Variants in ARHGEF1 observed in about 807,000 individuals in gnomAD.
ARHGEF1 encodes the protein 115 kDa guanine nucleotide exchange factor.
A neutral mutation model predicts 119.7 loss-of-function variants in ARHGEF1; 40 were observed. The ratio of observed to expected loss-of-function variants is 0.33; its 90% CI spans 0.26 to 0.44. The LOEUF (loss-of-function observed/expected upper bound fraction) is 0.44. ARHGEF1 is among the 20% of genes least tolerant of loss of function. ARHGEF1 has a pLI of 1.00. For synonymous variants in ARHGEF1, 494 were observed against 521.0 expected, an observed-to-expected ratio of 0.95 and a Z score of 0.71; for missense variants, 976 against 1,268.3, an observed-to-expected ratio of 0.77 and a Z score of 3.50.
chr19:41,909,543 G>A (rs782081039), downstream of ARHGEF1: 86 of 1,094,032 alleles, frequency 7.9e-5, no homozygotes, highest in East Asian at 1.3e-4. This position sits in a 1 kb window ranked among gnomAD's most constrained non-coding sequence, Gnocchi z 5.2. Context: ...TTCTTAATGC[G>A]TGTGCTGTCC....
downstream of ARHGEF1, among the ~76,000 whole-genome samples, chr19:41,910,603 C>T (rs2074746363): frequency 3.9e-5 from 6 of 152,192 alleles, 1 homozygote; most frequent in Admixed American, 3.9e-4. This position sits in a 1 kb window ranked among gnomAD's most constrained non-coding sequence, Gnocchi z 4.4. Flanking sequence ...CTGGCATATC[C>T]AGGCTGCAGC....
At position 41,907,186 on chromosome 19, in the gene ARHGEF1, C is replaced by A. The variant is rs575042850; in HGVS notation, c.*99C>A. On this transcript the variant is annotated 3_prime_UTR_variant, in exon 29 of 29. Transcript: ENST00000354532. ...ACACAGCTGCCGCAGCATCTCACAC[C>A]CCGAGGGCCTGAGGAGAGGGAGCTG... is the stretch of plus-strand genomic sequence containing the variant. 2 of 1,526,378 alleles carry A rather than the reference C, an allele frequency of 1.3e-6. No individual in the cohort carries two copies. Among genetic ancestry groups the A allele is most frequent in the South Asian group, 1.2e-5 (1 of 82,474 alleles). 94.6% of individuals were successfully genotyped at this position (1,526,378 alleles called of 1,614,324 possible).
intron 4 of ARHGEF1, among the ~76,000 whole-genome samples, chr19:41,891,672 C>T (rs2074378747): frequency 2.0e-5 from 3 of 152,282 alleles, no homozygotes; most frequent in East Asian, 1.9e-4. Context: ...TGATTGAACA[C>T]GTTAATGCAT....
Position 41,902,463 on chromosome 19 carries a change from C to T in ARHGEF1, c.1498-70C>T, listed in dbSNP as rs955990476. The T allele has an allele frequency of 6.2e-7, 1 of 1,611,500 alleles. No homozygotes were observed. The highest frequency in any genetic ancestry group is 8.5e-7 in the Non-Finnish European group (1 of 1,179,056). On this transcript the variant is annotated intron_variant, in intron 16 of 28. Transcript: ENST00000354532. This position sits in a 1 kb window ranked among gnomAD's most constrained non-coding sequence, Gnocchi z 6.5. ...CAGTCCCAGGGTCTGGGCTTCCAGCCTGTCGTACTTTAGTCCCTGTTCTTG... is the reference window on the plus strand; with the variant it reads ...CAGTCCCAGGGTCTGGGCTTCCAGCTTGTCGTACTTTAGTCCCTGTTCTTG...
Position 41,907,130 on chromosome 19 carries a change from G to C in ARHGEF1, c.*43G>C. The C allele has an allele frequency of 2.0e-6, 3 of 1,530,430 alleles. No individual in the cohort carries two copies. Among genetic ancestry groups the C allele is most frequent in the Non-Finnish European group, 2.6e-6 (3 of 1,144,480 alleles). 94.8% of individuals were successfully genotyped at this position (1,530,430 alleles called of 1,614,324 possible). A position where few individuals can be genotyped will look rare whatever the true frequency, so the allele number is the denominator to read the frequency against. On this transcript the variant is annotated 3_prime_UTR_variant, in exon 29 of 29. Coordinates refer to ENST00000354532, the MANE Select transcript of ARHGEF1 (RefSeq NM_004706.4). ...GCCTTTTGCAAGAAGGAGAGGAATG[G>C]GGGAGAGGACGTGAGGGACCACCCC... is the stretch of plus-strand genomic sequence containing the variant.
upstream of ARHGEF1, among the ~76,000 whole-genome samples, chr19:41,921,757 G>C (rs544936613): frequency 3.5e-4 from 53 of 151,704 alleles, no homozygotes; most frequent in African/African-American, 1.2e-3. This position sits in a 1 kb window ranked among gnomAD's most constrained non-coding sequence, Gnocchi z 4.4. Context: ...GTGTAGGCCG[G>C]GTGGCGGGCA....
intron 1 of ARHGEF1, among the ~76,000 whole-genome samples, chr19:41,886,498 C>T (rs2074295931): frequency 6.6e-6 from 1 of 152,090 alleles, no homozygotes. Context: ...CCAGGCTGGT[C>T]TCAAACTCCT....
chr19:41,907,186 C>T lies in ARHGEF1; in HGVS notation c.*99C>T, dbSNP rs575042850. On this transcript the variant is annotated 3_prime_UTR_variant, in exon 29 of 29. Coordinates refer to ENST00000354532, the MANE Select transcript of ARHGEF1 (RefSeq NM_004706.4). ...ACACAGCTGCCGCAGCATCTCACAC[C>T]CCGAGGGCCTGAGGAGAGGGAGCTG... The T allele has an allele frequency of 2.0e-6, 3 of 1,526,380 alleles. No individual in the cohort carries two copies. The South Asian group carries it at 3.6e-5, about 19-fold the overall frequency. 94.6% of individuals were successfully genotyped at this position (1,526,380 alleles called of 1,614,324 possible).
Position 41,917,554 on chromosome 19 carries a change from T to A in ARHGEF1, c.1866-5538T>A, listed in dbSNP as rs782135864. On this transcript the variant is annotated intron_variant, in intron 18 of 20. Coordinates refer to the ARHGEF1 transcript ENST00000599589. The surrounding 1 kb of genome is among the most constrained non-coding windows in gnomAD (Gnocchi z 4.8). ...GATTTTTTTTTTAAATTTCATATCT[T>A]CTCCGGGGCTCTGTCTAAAGAGGAG... Among the ~76,000 whole-genome samples the A allele has an allele frequency of 4.0e-5, 6 of 151,382 alleles. No individual in the cohort carries two copies. Among genetic ancestry groups the A allele is most frequent in the Middle Eastern group, 6.8e-3 (2 of 294 alleles).
intron 18 of ARHGEF1, among the ~76,000 whole-genome samples, chr19:41,915,215 C>CCGGA (rs1475917053): frequency 3.4e-5 from 5 of 148,126 alleles, no homozygotes; most frequent in African/African-American, 1.3e-4. Context: ...GCCGCCTCCT[C>CCGGA]CGGACACGTT....
intron 4 of ARHGEF1, among the ~76,000 whole-genome samples, chr19:41,891,063 G>C (rs2074369144): frequency 6.6e-6 from 1 of 152,128 alleles, no homozygotes. Context: ...CTTGACGAAT[G>C]ACAGAGTGAG....
rs1555844865 is a variant in ARHGEF1 at position 41,884,414 on chromosome 19, G to C, written c.-20+1125G>C. The C allele has an allele frequency of 3.8e-6, 6 of 1,598,792 alleles. No homozygotes were observed. The East Asian group carries it at 1.1e-4, about 30-fold the overall frequency. ...GGGCGGCTAGAGCGACGCGGCGGCA[G>C]GGGTGGGGAGAGTGCGGAGCCCGAG... On this transcript the variant is annotated intron_variant, in intron 1 of 28. Coordinates refer to ENST00000354532, the MANE Select transcript of ARHGEF1 (RefSeq NM_004706.4).
Position 41,903,218 on chromosome 19 carries a change from G to T in ARHGEF1, c.1739-89G>T. The T allele has an allele frequency of 1.6e-6, 2 of 1,222,782 alleles. No individual in the cohort carries two copies. Among genetic ancestry groups the T allele is most frequent in the Non-Finnish European group, 2.4e-6 (2 of 842,342 alleles). The allele number at this position is 1,222,782 out of a possible 1,614,324, so 75.7% of individuals were successfully genotyped here. On this transcript the variant is annotated intron_variant, in intron 18 of 28. Transcript: ENST00000354532. This position sits in a 1 kb window ranked among gnomAD's most constrained non-coding sequence, Gnocchi z 4.2. The stretch of plus-strand genomic sequence containing the variant: ...ATTACAGGCGTGAGCCACCATGCCC[G>T]GCCAGCTGTCCTTTGTCTAACCTTG...
At chr19:41,894,716 G>T in intron 11 of ARHGEF1, 55 bp downstream of exon 11, 1 of 1,600,428 alleles carries the variant, frequency 6.2e-7, no homozygotes, top group Non-Finnish European at 8.5e-7. Flanking sequence ...GGAGAGGCTA[G>T]GACCTGGACG....
At chr19:41,898,095 G>T (rs957668544) in intron 13 of ARHGEF1, 51 of 1,380,076 alleles carry the variant, frequency 3.7e-5, no homozygotes, top group Non-Finnish European at 4.6e-5. Flanking sequence ...GCAGTGCTTG[G>T]CCCTGCCCGA....
In ARHGEF1 at chr19:41,888,011, C is replaced by T. The variant is rs2074320783; in HGVS notation, c.-19-53C>T. The T allele has an allele frequency of 1.3e-6, 2 of 1,580,450 alleles. No homozygotes were observed. The highest frequency in any genetic ancestry group is 1.1e-5 in the South Asian group (1 of 87,202). On this transcript the variant is annotated intron_variant, in intron 1 of 28. Transcript: ENST00000354532. The surrounding 1 kb of genome is among the most constrained non-coding windows in gnomAD (Gnocchi z 5.1). Reference sequence around the variant, plus strand: ...TGGGCCAGGAATCTGTGAGTAACCACCCTGGGCCGCCTCCTCCCACCCTCC... The same window carrying T: ...TGGGCCAGGAATCTGTGAGTAACCATCCTGGGCCGCCTCCTCCCACCCTCC...
At chr19:41,908,882 C>T (rs1555850983), downstream of ARHGEF1, among the ~76,000 whole-genome samples, 1 of 151,670 alleles carries the variant, frequency 6.6e-6, no homozygotes, top group African/African-American at 2.4e-5. This position sits in a 1 kb window ranked among gnomAD's most constrained non-coding sequence, Gnocchi z 6.7. Flanking sequence ...AAGCCCCTGT[C>T]TCCCTCATTT....
chr19:41,900,992 T>C (rs2074594942), intron 14 of ARHGEF1: 1 of 151,830 alleles, frequency 6.6e-6, no homozygotes, highest in Non-Finnish European at 1.5e-5. Context: ...GGTTTCACCA[T>C]GTTGGCCAGG....
At position 41,888,997 on chromosome 19, in the gene ARHGEF1, G is replaced by T; in HGVS notation, c.225+132G>T. On this transcript the variant is annotated intron_variant, in intron 4 of 28. Transcript: ENST00000354532. This position sits in a 1 kb window ranked among gnomAD's most constrained non-coding sequence, Gnocchi z 5.1. ...TCTAGAACACAGAGAGCCAGATCTA[G>T]AAAGAGAGAATGCTTTAGACAAGAG... 1.4e-6 allele frequency: 1 copy of T among 737,762 alleles called. No homozygotes were observed. 45.7% of individuals were successfully genotyped at this position (737,762 alleles called of 1,614,324 possible).
Sources: allele counts gnomAD v4.1 joint callset (sites outside exome capture counted in the v4.1 genomes callset), GRCh38; gene constraint gnomAD v4.1.1; non-coding constraint Gnocchi (gnomAD v3.1); transcripts MANE v1.5; gene names NCBI Gene and HGNC (gene_info 2026-07-23, HGNC 2026-07-21).